The following CTNND2 variants were observed in gnomAD, a reference collection of about 807,000 sequenced individuals.
CTNND2 encodes the protein catenin delta-2.
Under a neutral mutation model 144.4 loss-of-function variants are expected in CTNND2, and 22 were observed. The ratio of observed to expected loss-of-function variants is 0.15; its 90% CI spans 0.11 to 0.22. The LOEUF (loss-of-function observed/expected upper bound fraction) is 0.22, where lower values mean the gene tolerates loss of function less well. Ranked by LOEUF, CTNND2 falls within the 10% of genes least tolerant of loss-of-function variation. CTNND2 has a pLI of 1.00. For synonymous variants in CTNND2, 751 were observed against 695.6 expected, an observed-to-expected ratio of 1.08 and a Z score of -1.25; for missense variants, 1,353 against 1,618.8, an observed-to-expected ratio of 0.84 and a Z score of 2.82.
At chr5:11,403,630 T>A (rs1760822431) in intron 5 of CTNND2, among the ~76,000 whole-genome samples, 1 of 152,214 alleles carries the variant, frequency 6.6e-6, no homozygotes, top group African/African-American at 2.4e-5. Flanking sequence ...TTATTTGCCA[T>A]TAAAAATTAA....
At chr5:11,576,637 T>C (rs1777990502) in intron 2 of CTNND2, among the ~76,000 whole-genome samples, 1 of 151,750 alleles carries the variant, frequency 6.6e-6, no homozygotes, top group African/African-American at 2.4e-5. Flanking sequence ...AAATCTACAT[T>C]AAAAAAAATA....
At position 11,733,068 on chromosome 5, in the gene CTNND2, A is replaced by C. The variant is rs184826451; in HGVS notation, c.38-796T>G. ...TCTTCCCCCATAACTCGCCCTATGC[A>C]TATCTTCATCTGTATCCCTTGTGAT... On this transcript the variant is annotated intron_variant, in intron 1 of 21. Transcript: ENST00000304623. Among the ~76,000 whole-genome samples, 167 of 152,262 alleles carry C rather than the reference A, an allele frequency of 1.1e-3. 1 individual carries two copies. The highest frequency in any genetic ancestry group is 7.1e-4 in the Non-Finnish European group (48 of 68,022).
At chr5:11,312,140 C>T (rs1290154508) in intron 9 of CTNND2, among the ~76,000 whole-genome samples, 1 of 148,528 alleles carries the variant, frequency 6.7e-6, no homozygotes, top group African/African-American at 2.5e-5. Flanking sequence ...ACATCCTCTC[C>T]CCCACCACAC....
chr5:11,738,973 G>A (rs751750144), intron 1 of CTNND2, among the ~76,000 whole-genome samples: 92 of 152,190 alleles, frequency 6.0e-4, no homozygotes, highest in Non-Finnish European at 1.1e-3. Flanking sequence ...AGTATGCTGT[G>A]GGAAGCTAGA....
intron 3 of CTNND2, among the ~76,000 whole-genome samples, chr5:11,432,728 G>C (rs1763409692): frequency 6.6e-6 from 1 of 152,150 alleles, no homozygotes; most frequent in Non-Finnish European, 1.5e-5. Flanking sequence ...AGGAGGCACT[G>C]CTGGGGCACT....
intron 16 of CTNND2, among the ~76,000 whole-genome samples, chr5:11,053,187 T>G (rs1029615909): frequency 6.6e-6 from 1 of 152,244 alleles, no homozygotes; most frequent in African/African-American, 2.4e-5. Flanking sequence ...AAGGTGCTTT[T>G]CTCTTTTCTT....
chr5:11,495,718 C>G (rs1769869415), intron 3 of CTNND2, among the ~76,000 whole-genome samples: 1 of 152,242 alleles, frequency 6.6e-6, no homozygotes, highest in Non-Finnish European at 1.5e-5. Flanking sequence ...ACCACTCCCT[C>G]TCTCCTGCCT....
intron 9 of CTNND2, among the ~76,000 whole-genome samples, chr5:11,279,102 G>C (rs1161346871): frequency 6.6e-6 from 1 of 152,114 alleles, no homozygotes; most frequent in Non-Finnish European, 1.5e-5. Flanking sequence ...TGAGGAAAAA[G>C]GCATCCATGG....
At chr5:10,978,500 A>G (rs61752681) in intron 21 of CTNND2, among the ~76,000 whole-genome samples, 10,002 of 145,024 alleles carry the variant, frequency 0.069, 414 homozygotes, top group East Asian at 0.2. Flanking sequence ...CTTTTTGGGG[A>G]GGGGGGGGAA....
chr5:11,216,788 T>C (rs935343319), intron 10 of CTNND2, among the ~76,000 whole-genome samples: 19 of 152,224 alleles, frequency 1.2e-4, no homozygotes, highest in African/African-American at 3.6e-4. Flanking sequence ...GGATAAGAAG[T>C]GGCTGCTTTG....
chr5:11,137,010 A>C (rs1418144234), intron 12 of CTNND2, among the ~76,000 whole-genome samples: 1 of 152,240 alleles, frequency 6.6e-6, no homozygotes, highest in Non-Finnish European at 1.5e-5. Context: ...CCTTCCTGCA[A>C]AGCCCATGAA....
intron 2 of CTNND2, among the ~76,000 whole-genome samples, chr5:11,651,111 T>C (rs1782626160): frequency 6.6e-6 from 1 of 152,164 alleles, no homozygotes; most frequent in Non-Finnish European, 1.5e-5. Flanking sequence ...CCTGGAGGCA[T>C]AGGCAGGAAT....
intron 6 of CTNND2, among the ~76,000 whole-genome samples, chr5:11,388,241 A>G (rs969942725): frequency 6.6e-6 from 1 of 152,242 alleles, no homozygotes; most frequent in Non-Finnish European, 1.5e-5. Context: ...ATCCATTTGC[A>G]TAAGAAGCCA....
chr5:11,440,498 T>C (rs1764164049), intron 3 of CTNND2, among the ~76,000 whole-genome samples: 2 of 152,202 alleles, frequency 1.3e-5, no homozygotes, highest in South Asian at 4.1e-4. Flanking sequence ...AAATAAAATG[T>C]ATCTCCAAAT....
At chr5:11,843,793 T>C (rs1794605238) in intron 1 of CTNND2, among the ~76,000 whole-genome samples, 1 of 152,206 alleles carries the variant, frequency 6.6e-6, no homozygotes, top group African/African-American at 2.4e-5. Context: ...TTTGGATCAA[T>C]AAAATCAGAA....
chr5:11,500,721 C>T lies in CTNND2; in HGVS notation c.287+64223G>A, dbSNP rs556268601. ...ATTGACCAGTTTATTACTCCAATAG[C>T]TACATATTCTAAAATACACATACTG... On this transcript the variant is annotated intron_variant, in intron 3 of 21. Transcript: ENST00000304623. Among the ~76,000 whole-genome samples, 15 of 152,314 alleles carry T rather than the reference C, an allele frequency of 9.8e-5. No homozygotes were observed. The South Asian group carries it at 3.1e-3, about 32-fold the overall frequency.
chr5:11,470,775 C>T (rs527740266), intron 3 of CTNND2, among the ~76,000 whole-genome samples: 2 of 151,700 alleles, frequency 1.3e-5, no homozygotes, highest in African/African-American at 2.4e-5. Flanking sequence ...GAATGTCCCA[C>T]TATTAGGATT....
At position 11,492,651 on chromosome 5, in the gene CTNND2, T is replaced by C. The variant is rs561127152; in HGVS notation, c.287+72293A>G. Among the ~76,000 whole-genome samples the C allele has an allele frequency of 5.9e-5, 9 of 151,946 alleles. No individual in the cohort carries two copies. In the East Asian group the frequency reaches 1.5e-3, roughly 26 times the overall value. On this transcript the variant is annotated intron_variant, in intron 3 of 21. Transcript: ENST00000304623. The stretch of plus-strand genomic sequence containing the variant: ...CTATACATATTAATAGATATATATG[T>C]CTTTATTCACTAAGAGGTATATACA...
intron 1 of CTNND2, among the ~76,000 whole-genome samples, chr5:11,745,417 GTA>G (rs1388388334): frequency 6.6e-6 from 1 of 152,154 alleles, no homozygotes; most frequent in East Asian, 1.9e-4. Flanking sequence ...ACTGGCATAC[GTA>G]TATGAGTTTC....
Sources: gnomAD v4.1 joint callset for allele counts (sites outside exome capture counted in the v4.1 genomes callset) on GRCh38, gnomAD v4.1.1 for gene constraint, MANE v1.5 for transcripts, NCBI Gene and HGNC (gene_info 2026-07-23, HGNC 2026-07-21) for gene names.